TAF10: variants seen among roughly 807,000 people sequenced by gnomAD.
TAF10 encodes transcription initiation factor TFIID subunit 10.
Under a neutral mutation model 18.1 loss-of-function variants are expected in TAF10, and 2 were observed. The observed-to-expected ratio is 0.11, with a 90% CI of 0.05 to 0.35. TAF10 has a LOEUF of 0.35. Among genes scored for constraint, TAF10 ranks in the 10% least tolerant of loss-of-function variants. The pLI, the probability that TAF10 is intolerant of heterozygous loss-of-function variation, is 1.00. For missense variants in TAF10, 293 were observed against 306.9 expected, an observed-to-expected ratio of 0.95 and a Z score of 0.34; for synonymous variants, 158 against 134.6, an observed-to-expected ratio of 1.17 and a Z score of -1.20.
chr11:6,610,016 T>A lies in TAF10; in HGVS notation c.*906A>T. The A allele has an allele frequency of 1.2e-6, 2 of 1,614,178 alleles. No homozygotes were observed. The highest frequency in any genetic ancestry group is 3.3e-5 in the Admixed American group (2 of 60,028). ...AATGTCCTGGTCGCATGTATGCACC[T>A]GCCTGGGTAGCCCCCGAAGGTGAGT... is the stretch of plus-strand genomic sequence containing the variant. On this transcript the variant is annotated 3_prime_UTR_variant, in exon 5 of 5. Transcript: ENST00000299424.
rs2134573830 is a variant in TAF10 at position 6,610,346 on chromosome 11, G to C, written c.*576C>G. On this transcript the variant is annotated 3_prime_UTR_variant, in exon 5 of 5. Transcript: ENST00000299424. ...GTGATGGTGAAAATAACTGTAGTGG[G>C]CCTTGGCTCCTCACATATTTGTTCG... 1.9e-6 allele frequency: 3 copies of C among 1,613,188 alleles called. No individual in the cohort carries two copies. Among genetic ancestry groups the C allele is most frequent in the African/African-American group, 2.7e-5 (2 of 75,030 alleles).
In TAF10 at chr11:6,611,320, T is replaced by TA. The variant is rs1855452435; in HGVS notation, c.453-18dup. The TA allele has an allele frequency of 6.2e-7, 1 of 1,613,920 alleles. No individual in the cohort carries two copies. The highest frequency in any genetic ancestry group is 8.5e-7 in the Non-Finnish European group (1 of 1,179,986). ...AGCCGAATTCTAGAGAGAAAAAACT[T>TA]AGATGAGAAGGAGATGGACAACATA... is the stretch of plus-strand genomic sequence containing the variant. On this transcript the variant is annotated splice_polypyrimidine_tract_variant and intron_variant, in intron 3 of 4. Coordinates refer to ENST00000299424, the MANE Select transcript of TAF10 (RefSeq NM_006284.4).
In TAF10 at chr11:6,608,275, G is replaced by A; in HGVS notation, c.*2647C>T. On this transcript the variant is annotated 3_prime_UTR_variant, in exon 5 of 5. Coordinates refer to ENST00000299424, the MANE Select transcript of TAF10 (RefSeq NM_006284.4). This position sits in a 1 kb window ranked among gnomAD's most constrained non-coding sequence, Gnocchi z 4.9. ...GCCATGAGGGTCAGTCACAGGCACT[G>A]TAACATACAGTAGAAAGCATGTGTG... The A allele has an allele frequency of 6.3e-7, 1 of 1,588,782 alleles. No individual in the cohort carries two copies. Among genetic ancestry groups the A allele is most frequent in the Middle Eastern group, 1.7e-4 (1 of 6,002 alleles).
Position 6,608,292 on chromosome 11 carries a change from G to A in TAF10, c.*2630C>T. Reference sequence around the variant, plus strand: ...CAGGCACTGTAACATACAGTAGAAAGCATGTGTGCTCTTCCCCCTTTTCCC... The same window carrying A: ...CAGGCACTGTAACATACAGTAGAAAACATGTGTGCTCTTCCCCCTTTTCCC... On this transcript the variant is annotated 3_prime_UTR_variant, in exon 5 of 5. Coordinates refer to ENST00000299424, the MANE Select transcript of TAF10 (RefSeq NM_006284.4). This position sits in a 1 kb window ranked among gnomAD's most constrained non-coding sequence, Gnocchi z 4.9. 6.4e-7 allele frequency: 1 copy of A among 1,574,388 alleles called. No individual in the cohort carries two copies. Among genetic ancestry groups the A allele is most frequent in the East Asian group, 2.2e-5 (1 of 44,674 alleles).
chr11:6,609,579 ACT>A lies in TAF10; in HGVS notation c.*1341_*1342del. The A allele has an allele frequency of 6.2e-7, 1 of 1,613,706 alleles. No homozygotes were observed. Among genetic ancestry groups the A allele is most frequent in the South Asian group, 1.1e-5 (1 of 91,068 alleles). On this transcript the variant is annotated 3_prime_UTR_variant, in exon 5 of 5. Coordinates refer to ENST00000299424, the MANE Select transcript of TAF10 (RefSeq NM_006284.4). Reference sequence around the variant, plus strand: ...CCAGTCTCCACCTGCTCCTCATCCTACTCTCATCACACACTGGATGCCGTATG... The same window carrying A: ...CCAGTCTCCACCTGCTCCTCATCCTACTCATCACACACTGGATGCCGTATG...
Position 6,606,852 on chromosome 11 carries a change from A to C in TAF10, c.*4070T>G, listed in dbSNP as rs1854964574. 1 of 152,242 alleles carries C rather than the reference A, an allele frequency of 6.6e-6. No individual in the cohort carries two copies. Among genetic ancestry groups the C allele is most frequent in the Non-Finnish European group, 1.5e-5 (1 of 68,070 alleles). 9.4% of individuals were successfully genotyped at this position (152,242 alleles called of 1,614,324 possible). Reference sequence around the variant, plus strand: ...CCACAGGCAGTACTGGAAGCTGATAAGTCAGGGCACAAATTAAAGGTCTAG... The same window carrying C: ...CCACAGGCAGTACTGGAAGCTGATACGTCAGGGCACAAATTAAAGGTCTAG... On this transcript the variant is annotated 3_prime_UTR_variant, in exon 5 of 5. Coordinates refer to ENST00000299424, the MANE Select transcript of TAF10 (RefSeq NM_006284.4).
chr11:6,611,462 CAATT>C lies in TAF10; in HGVS notation c.388-14_388-11del. 4 of 1,614,026 alleles carry C rather than the reference CAATT, an allele frequency of 2.5e-6. No individual in the cohort carries two copies. The highest frequency in any genetic ancestry group is 3.4e-6 in the Non-Finnish European group (4 of 1,179,998). On this transcript the variant is annotated splice_polypyrimidine_tract_variant and intron_variant, in intron 2 of 4. Coordinates refer to ENST00000299424, the MANE Select transcript of TAF10 (RefSeq NM_006284.4). ...TCACTGCATCTGGGATCTGAGAAAT[CAATT>C]AAGAGAACTGTCAGCAGAGCGGGAG...
rs1054298875 is a variant in TAF10 at position 6,608,322 on chromosome 11, C to T, written c.*2600G>A. 1 of 1,571,078 alleles carries T rather than the reference C, an allele frequency of 6.4e-7. No individual in the cohort carries two copies. The highest frequency in any genetic ancestry group is 1.4e-5 in the African/African-American group (1 of 73,942). On this transcript the variant is annotated 3_prime_UTR_variant, in exon 5 of 5. Coordinates refer to ENST00000299424, the MANE Select transcript of TAF10 (RefSeq NM_006284.4). This position sits in a 1 kb window ranked among gnomAD's most constrained non-coding sequence, Gnocchi z 4.9. The stretch of plus-strand genomic sequence containing the variant: ...TGTGCTCTTCCCCCTTTTCCCATGC[C>T]CTGACACCAGTATCTCATTTGGAAC...
At position 6,609,187 on chromosome 11, in the gene TAF10, C is replaced by T. The variant is rs372184569; in HGVS notation, c.*1735G>A. The T allele has an allele frequency of 8.5e-5, 136 of 1,602,572 alleles. No homozygotes were observed. In the East Asian group the frequency reaches 2.7e-3, roughly 32 times the overall value. On this transcript the variant is annotated 3_prime_UTR_variant, in exon 5 of 5. Transcript: ENST00000299424. ...CCCTGCCCTTCTTGCCCTTCCCTCA[C>T]TAAACCCCCATAAATTACTTGCTTT... is the stretch of plus-strand genomic sequence containing the variant.
chr11:6,609,546 G>A lies in TAF10; in HGVS notation c.*1376C>T. 6.2e-7 allele frequency: 1 copy of A among 1,614,124 alleles called. No homozygotes were observed. The highest frequency in any genetic ancestry group is 8.5e-7 in the Non-Finnish European group (1 of 1,180,022). On this transcript the variant is annotated 3_prime_UTR_variant, in exon 5 of 5. Transcript: ENST00000299424. ...GCATCCAAATGTGCTCCCAGTGCTA[G>A]GTGCCTGCCAGTCTCCACCTGCTCC...
Position 6,608,712 on chromosome 11 carries a change from G to T in TAF10, c.*2210C>A, listed in dbSNP as rs745709169. 4.5e-5 allele frequency: 72 copies of T among 1,613,998 alleles called. No individual in the cohort carries two copies. The Middle Eastern group carries it at 6.6e-4, about 15-fold the overall frequency. ...ATTCCAGGACCTGGTGGCAAATGGG[G>T]CCCTTGTCAGCATCTGTAACAAGTA... On this transcript the variant is annotated 3_prime_UTR_variant, in exon 5 of 5. Coordinates refer to ENST00000299424, the MANE Select transcript of TAF10 (RefSeq NM_006284.4). This position sits in a 1 kb window ranked among gnomAD's most constrained non-coding sequence, Gnocchi z 4.9.
Position 6,610,068 on chromosome 11 carries a change from A to G in TAF10, c.*854T>C, listed in dbSNP as rs184775200. On this transcript the variant is annotated 3_prime_UTR_variant, in exon 5 of 5. Transcript: ENST00000299424. The stretch of plus-strand genomic sequence containing the variant: ...AAGTCATCATGTCGGGAGGTAAAAA[A>G]GGACCACCTCAGAAGTAGTGGAAGG... The G allele has an allele frequency of 8.4e-4, 1,349 of 1,613,988 alleles. 6 individuals are homozygous for G. The African/African-American group carries it at 0.014, about 17-fold the overall frequency.
Position 6,610,347 on chromosome 11 carries a change from C to T in TAF10, c.*575G>A. 1 of 1,612,958 alleles carries T rather than the reference C, an allele frequency of 6.2e-7. No individual in the cohort carries two copies. Among genetic ancestry groups the T allele is most frequent in the Non-Finnish European group, 8.5e-7 (1 of 1,179,202 alleles). ...TGATGGTGAAAATAACTGTAGTGGG[C>T]CTTGGCTCCTCACATATTTGTTCGG... On this transcript the variant is annotated 3_prime_UTR_variant, in exon 5 of 5. Transcript: ENST00000299424.
chr11:6,610,600 C>G lies in TAF10; in HGVS notation c.*322G>C. The G allele has an allele frequency of 6.2e-7, 1 of 1,614,220 alleles. No homozygotes were observed. Among genetic ancestry groups the G allele is most frequent in the Non-Finnish European group, 8.5e-7 (1 of 1,180,030 alleles). ...GATTGTGCCTATCCTTGAGAAGATG[C>G]AGGACAAGTAGGACTGGAAGGTCCT... On this transcript the variant is annotated 3_prime_UTR_variant, in exon 5 of 5. Transcript: ENST00000299424.
Position 6,608,305 on chromosome 11 carries a change from TCCC to T in TAF10, c.*2614_*2616del. 1.3e-6 allele frequency: 2 copies of T among 1,558,886 alleles called. No individual in the cohort carries two copies. Among genetic ancestry groups the T allele is most frequent in the Non-Finnish European group, 1.8e-6 (2 of 1,129,730 alleles). On this transcript the variant is annotated 3_prime_UTR_variant, in exon 5 of 5. Transcript: ENST00000299424. The surrounding 1 kb of genome is among the most constrained non-coding windows in gnomAD (Gnocchi z 4.9). ...ATACAGTAGAAAGCATGTGTGCTCT[TCCC>T]CCTTTTCCCATGCCCTGACACCAGT...
rs370491797 is a variant in TAF10, at chr11:6,611,977, T to C, written c.213A>G (p.Pro71=). ...TGPLAARAGE[P]AERRGAAPVS... ...CCTCACCCGCCCCACGCCGCTCAGC[T>C]GGCTCCCCGGCCCGCGCCGCCAAGG... The change falls in exon 1 of 5, where the codon CCA becomes CCG. Residue 71 remains proline, a synonymous_variant. Coordinates refer to ENST00000299424, the MANE Select transcript of TAF10 (RefSeq NM_006284.4). The C allele has an allele frequency of 1.5e-5, 24 of 1,564,950 alleles. No homozygotes were observed. In the Admixed American group the frequency reaches 4.3e-4, roughly 28 times the overall value.
Position 6,609,517 on chromosome 11 carries a change from T to A in TAF10, c.*1405A>T, listed in dbSNP as rs869025438. 6 of 1,614,024 alleles carry A rather than the reference T, an allele frequency of 3.7e-6. No homozygotes were observed. In the African/African-American group the frequency reaches 6.7e-5, roughly 18 times the overall value. Reference sequence around the variant, plus strand: ...CCACTCCCTCCCTCTTCTAGGATTTTCTCGCATCCAAATGTGCTCCCAGTG... The same window carrying A: ...CCACTCCCTCCCTCTTCTAGGATTTACTCGCATCCAAATGTGCTCCCAGTG... On this transcript the variant is annotated 3_prime_UTR_variant, in exon 5 of 5. Coordinates refer to ENST00000299424, the MANE Select transcript of TAF10 (RefSeq NM_006284.4).
rs1375799547 is a variant in TAF10 at position 6,608,967 on chromosome 11, C to T, written c.*1955G>A. 10 of 1,614,088 alleles carry T rather than the reference C, an allele frequency of 6.2e-6. No homozygotes were observed. The highest frequency in any genetic ancestry group is 2.2e-5 in the East Asian group (1 of 44,890). ...GAAGGGGACCACCCGCACTCGGCCC[C>T]GTGAGTCACCACTGTGGGAAGAAGG... On this transcript the variant is annotated 3_prime_UTR_variant, in exon 5 of 5. Coordinates refer to ENST00000299424, the MANE Select transcript of TAF10 (RefSeq NM_006284.4). This position sits in a 1 kb window ranked among gnomAD's most constrained non-coding sequence, Gnocchi z 4.9.
chr11:6,606,941 A>G lies in TAF10; in HGVS notation c.*3981T>C, dbSNP rs1319128813. On this transcript the variant is annotated 3_prime_UTR_variant, in exon 5 of 5. Coordinates refer to ENST00000299424, the MANE Select transcript of TAF10 (RefSeq NM_006284.4). ...CCTGGGGATAATCCCATCTCAAGGA[A>G]AAGCTTTTGGCTATTTCTGTGTTAG... is the stretch of plus-strand genomic sequence containing the variant. 3 of 152,284 alleles carry G rather than the reference A, an allele frequency of 2.0e-5. No individual in the cohort carries two copies. Among genetic ancestry groups the G allele is most frequent in the African/African-American group, 7.2e-5 (3 of 41,462 alleles). The allele number at this position is 152,284 out of a possible 1,614,324, so 9.4% of individuals were successfully genotyped here.
Sources: allele counts gnomAD v4.1 joint callset, GRCh38; gene constraint gnomAD v4.1.1; non-coding constraint Gnocchi (gnomAD v3.1); transcripts MANE v1.5; gene names NCBI Gene and HGNC (gene_info 2026-07-23, HGNC 2026-07-21).